CELF2: variants seen among roughly 807,000 people sequenced by gnomAD.
CELF2 encodes CUGBP Elav-like family member 2.
A neutral mutation model predicts 62.6 loss-of-function variants in CELF2; 8 were observed. That is an observed-to-expected ratio of 0.13 (90% CI 0.07 to 0.23). CELF2 has a LOEUF of 0.23. Ranked by LOEUF, CELF2 falls within the 10% of genes least tolerant of loss-of-function variation. CELF2 has a pLI of 1.00. For synonymous variants in CELF2, 258 were observed against 250.0 expected, an observed-to-expected ratio of 1.03 and a Z score of -0.30; for missense variants, 333 against 671.0, an observed-to-expected ratio of 0.50 and a Z score of 5.56.
At chr10:10,992,971 T>G (rs2053590150) in intron 2 of CELF2, among the ~76,000 whole-genome samples, 1 of 152,154 alleles carries the variant, frequency 6.6e-6, no homozygotes, top group Non-Finnish European at 1.5e-5. Flanking sequence ...GAGGATGTGC[T>G]GAAACACTTA....
intron 9 of CELF2, among the ~76,000 whole-genome samples, chr10:11,304,963 T>G (rs575035169): frequency 1.3e-5 from 2 of 152,290 alleles, no homozygotes; most frequent in South Asian, 2.1e-4. Flanking sequence ...TAAGCTTCAT[T>G]TACCTATCCA....
chr10:10,635,602 G>T, the CELF2 span, among the ~76,000 whole-genome samples: 1 of 152,114 alleles, frequency 6.6e-6, no homozygotes, highest in African/African-American at 2.4e-5. Context: ...TGTGTAGAAA[G>T]GGAATGAATG....
chr10:11,295,266 C>G (rs572431876), intron 9 of CELF2, among the ~76,000 whole-genome samples: 46 of 152,108 alleles, frequency 3.0e-4, no homozygotes, highest in African/African-American at 1.1e-3. Flanking sequence ...TGGAACTGTT[C>G]CAGCACTGGA....
chr10:10,712,034 G>T, the CELF2 span, among the ~76,000 whole-genome samples: 2 of 146,820 alleles, frequency 1.4e-5, no homozygotes, highest in Non-Finnish European at 3.0e-5. Flanking sequence ...TCATTTTCCT[G>T]TTTATAGAAT....
intron 1 of CELF2, among the ~76,000 whole-genome samples, chr10:10,815,601 G>T (rs2056380289): frequency 6.6e-6 from 1 of 152,174 alleles, no homozygotes; most frequent in South Asian, 2.1e-4. Flanking sequence ...CTAGTTTGTT[G>T]TATTTTGGAA....
At chr10:10,786,923 G>A in the CELF2 span, among the ~76,000 whole-genome samples, 1 of 135,962 alleles carries the variant, frequency 7.4e-6, no homozygotes, top group African/African-American at 2.6e-5. Flanking sequence ...ACACACAGGA[G>A]TGCAGGGAAG....
At chr10:10,929,741 T>G (rs2065884653) in intron 2 of CELF2, 1 of 152,232 alleles carries the variant, frequency 6.6e-6, no homozygotes, top group African/African-American at 2.4e-5. Context: ...TGTTTGCTCT[T>G]TATCTTATTA....
chr10:10,600,637 A>G, the CELF2 span, among the ~76,000 whole-genome samples: 2 of 152,212 alleles, frequency 1.3e-5, no homozygotes, highest in African/African-American at 4.8e-5. Context: ...CAAAATATAG[A>G]GAAACTGATA....
At chr10:10,532,081 C>T in the CELF2 span, among the ~76,000 whole-genome samples, 19 of 152,326 alleles carry the variant, frequency 1.2e-4, no homozygotes, top group Middle Eastern at 3.4e-3. Context: ...ATTTGCCTAA[C>T]GGCAATGTGG....
At chr10:10,930,450 T>A (rs763139737) in intron 2 of CELF2, among the ~76,000 whole-genome samples, 1 of 152,182 alleles carries the variant, frequency 6.6e-6, no homozygotes, top group Non-Finnish European at 1.5e-5. Flanking sequence ...AAATAAATGA[T>A]CAAAATAAAA....
intron 1 of CELF2, among the ~76,000 whole-genome samples, chr10:11,124,667 T>C (rs914750635): frequency 6.6e-6 from 1 of 152,202 alleles, no homozygotes; most frequent in Non-Finnish European, 1.5e-5. Context: ...GTACCTACCA[T>C]GTGCCAGGCA....
intron 1 of CELF2, among the ~76,000 whole-genome samples, chr10:11,091,860 A>G (rs1291821): frequency 0.67 from 101,286 of 152,182 alleles, 35,620 homozygotes; most frequent in African/African-American, 0.9. Flanking sequence ...TCTCACAGAT[A>G]TAACTCGTTC....
chr10:10,781,756 G>A, the CELF2 span, among the ~76,000 whole-genome samples: 2 of 152,088 alleles, frequency 1.3e-5, no homozygotes, highest in African/African-American at 2.4e-5. Context: ...TACACTCTAC[G>A]CTGGTCCCAC....
chr10:10,589,266 G>C, the CELF2 span, among the ~76,000 whole-genome samples: 4 of 152,210 alleles, frequency 2.6e-5, no homozygotes, highest in Admixed American at 6.5e-5. Context: ...TGAAGATACA[G>C]GTTTATGGAA....
chr10:11,146,483 A>G (rs900791617), intron 1 of CELF2, among the ~76,000 whole-genome samples: 6 of 152,190 alleles, frequency 3.9e-5, no homozygotes, highest in Admixed American at 6.5e-5. Context: ...CTAAACAAGC[A>G]ATTTGTTTTC....
chr10:11,201,779 G>T (rs953465441), intron 2 of CELF2, among the ~76,000 whole-genome samples: 2 of 152,220 alleles, frequency 1.3e-5, no homozygotes, highest in African/African-American at 4.8e-5. Context: ...GAGCTGAGGG[G>T]CATGGCTTGG....
At chr10:10,863,203 T>C (rs1465887564) in intron 1 of CELF2, among the ~76,000 whole-genome samples, 1 of 152,180 alleles carries the variant, frequency 6.6e-6, no homozygotes, top group East Asian at 1.9e-4. Context: ...CTAAAAGAGA[T>C]AATTTTCTTT....
At chr10:10,634,483 A>C in the CELF2 span, among the ~76,000 whole-genome samples, 1 of 152,108 alleles carries the variant, frequency 6.6e-6, no homozygotes, top group South Asian at 2.1e-4. Context: ...AGCTGCAGAT[A>C]TGCCTTTATC....
At chr10:10,987,087 C>T (rs574423899) in intron 2 of CELF2, among the ~76,000 whole-genome samples, 1 of 152,284 alleles carries the variant, frequency 6.6e-6, no homozygotes, top group African/African-American at 2.4e-5. Context: ...CCTACCGTCT[C>T]AATTGCATCC....
Sources: allele counts gnomAD v4.1 joint callset (sites outside exome capture counted in the v4.1 genomes callset), GRCh38; gene constraint gnomAD v4.1.1; transcripts MANE v1.5; gene names NCBI Gene and HGNC (gene_info 2026-07-23, HGNC 2026-07-21).